Variants in PCNX1 observed in about 807,000 individuals in gnomAD.
The protein encoded by PCNX1 is pecanex-like protein 1.
In PCNX1, 78 loss-of-function variants were observed where a neutral mutation model predicts 242.2. The ratio of observed to expected loss-of-function variants is 0.32; its 90% CI spans 0.27 to 0.39. PCNX1 has a LOEUF of 0.39. Among genes scored for constraint, PCNX1 ranks in the 10% least tolerant of loss-of-function variants. PCNX1 has a pLI of 1.00. For synonymous variants in PCNX1, 1,024 were observed against 1,032.9 expected, an observed-to-expected ratio of 0.99 and a Z score of 0.17; for missense variants, 2,581 against 2,856.5, an observed-to-expected ratio of 0.90 and a Z score of 2.20.
intron 19 of PCNX1, 67 bp from the exon 20 acceptor site, chr14:71,045,066 A>G (rs144091540): frequency 8.4e-7 from 1 of 1,189,608 alleles, no homozygotes; most frequent in African/African-American, 1.6e-5. Flanking sequence ...TTGAACTGAC[A>G]AATTAGAATT....
At chr14:71,001,091 A>G (rs2059492465) in intron 8 of PCNX1, among the ~76,000 whole-genome samples, 1 of 152,238 alleles carries the variant, frequency 6.6e-6, no homozygotes, top group South Asian at 2.1e-4. Context: ...ACAGTGCTCG[A>G]CAATTGTAAA....
chr14:70,951,786 A>T (rs1214953713), intron 2 of PCNX1, among the ~76,000 whole-genome samples: 1 of 152,206 alleles, frequency 6.6e-6, no homozygotes, highest in African/African-American at 2.4e-5. Flanking sequence ...CAATTCTATT[A>T]AATTGTAGAA....
intron 11 of PCNX1, among the ~76,000 whole-genome samples, chr14:71,015,243 A>G (rs1388573623): frequency 6.6e-6 from 1 of 152,238 alleles, no homozygotes; most frequent in Non-Finnish European, 1.5e-5. Context: ...AGATGGAAAT[A>G]TAAGTCTACC....
intron 3 of PCNX1, 119 bp from the exon 4 acceptor site, chr14:70,968,079 A>C: frequency 2.6e-6 from 2 of 766,936 alleles, no homozygotes; most frequent in Non-Finnish European, 4.5e-6. Context: ...AATATTGATA[A>C]AAATGATCGA....
chr14:71,073,525 G>GTT lies in PCNX1; in HGVS notation c.4853-20_4853-19insTT. On this transcript the variant is annotated intron_variant, in intron 26 of 35. Coordinates refer to ENST00000304743, the MANE Select transcript of PCNX1 (RefSeq NM_014982.3). ...CTTTCTGGTTTTCCCCCTTTGTAAAGCTCTCTCTCTCTCTCTAAGGTACCT... is the reference window on the plus strand; with the variant it reads ...CTTTCTGGTTTTCCCCCTTTGTAAAGTTCTCTCTCTCTCTCTCTAAGGTACCT... 6.6e-7 allele frequency: 1 copy of GTT among 1,523,652 alleles called. No individual in the cohort carries two copies. Among genetic ancestry groups the GTT allele is most frequent in the Non-Finnish European group, 8.9e-7 (1 of 1,117,398 alleles). 94.4% of individuals were successfully genotyped at this position (1,523,652 alleles called of 1,614,324 possible).
chr14:70,920,508 G>T (rs939978313), intron 1 of PCNX1, among the ~76,000 whole-genome samples: 4 of 152,208 alleles, frequency 2.6e-5, no homozygotes, highest in African/African-American at 9.6e-5. Context: ...ATGGACAAAA[G>T]AGAGGGAGAG....
In PCNX1 at chr14:71,113,869, ATGTT is replaced by A. The variant is rs1450691693; in HGVS notation, c.*3940_*3943del. On this transcript the variant is annotated 3_prime_UTR_variant, in exon 36 of 36. Coordinates refer to ENST00000304743, the MANE Select transcript of PCNX1 (RefSeq NM_014982.3). ...TTTTCTGGGGTGTGTGTGTGTGTGT[ATGTT>A]TGTTTTTTAAGTCGTCATTATTCAT... 3 of 151,712 alleles carry A rather than the reference ATGTT, an allele frequency of 2.0e-5. No individual in the cohort carries two copies. The highest frequency in any genetic ancestry group is 7.3e-5 in the African/African-American group (3 of 41,286). The allele number at this position is 151,712 out of a possible 1,614,324, so 9.4% of individuals were successfully genotyped here.
intron 2 of PCNX1, among the ~76,000 whole-genome samples, chr14:70,948,925 A>G (rs910032048): frequency 5.4e-5 from 8 of 147,378 alleles, no homozygotes; most frequent in African/African-American, 2.0e-4. Flanking sequence ...ATATGTGTAT[A>G]TATGTACATA....
chr14:71,098,406 A>G (rs2062358693), intron 30 of PCNX1, among the ~76,000 whole-genome samples: 1 of 152,122 alleles, frequency 6.6e-6, no homozygotes, highest in South Asian at 2.1e-4. Context: ...CATCCAGTCC[A>G]TAAGCATGGA....
intron 2 of PCNX1, among the ~76,000 whole-genome samples, chr14:70,961,379 G>C (rs2140471071): frequency 6.6e-6 from 1 of 152,262 alleles, no homozygotes; most frequent in East Asian, 1.9e-4. Flanking sequence ...ATAACTCTCT[G>C]ATCTTTGACA....
intron 25 of PCNX1, 104 bp downstream of exon 25, chr14:71,055,666 A>G (rs2061164194): frequency 3.2e-6 from 2 of 621,528 alleles, no homozygotes; most frequent in South Asian, 2.9e-5. Context: ...ATGAATCCCA[A>G]ATATTCACTT....
At chr14:71,031,486 G>A (rs991474311) in intron 16 of PCNX1, among the ~76,000 whole-genome samples, 11 of 152,224 alleles carry the variant, frequency 7.2e-5, no homozygotes, top group South Asian at 2.1e-4. Flanking sequence ...CCATTCTCCC[G>A]TCAGACCAAA....
At chr14:71,051,821 G>A (rs957432833) in intron 23 of PCNX1, 62 bp from the exon 24 acceptor site, 47 of 1,540,648 alleles carry the variant, frequency 3.1e-5, no homozygotes, top group East Asian at 6.8e-5. Flanking sequence ...AGGTTTTTGC[G>A]AGGGTTTGTT....
chr14:70,998,963 A>G (rs949345650), intron 8 of PCNX1, among the ~76,000 whole-genome samples: 3 of 152,132 alleles, frequency 2.0e-5, no homozygotes, highest in Non-Finnish European at 4.4e-5. Context: ...TAAAGACCAC[A>G]TATTAAGGGT....
At chr14:70,932,237 A>G (rs921842377) in intron 1 of PCNX1, among the ~76,000 whole-genome samples, 3 of 152,236 alleles carry the variant, frequency 2.0e-5, no homozygotes, top group African/African-American at 4.8e-5. Flanking sequence ...AAACTATAGC[A>G]TATAAGGCAG....
intron 15 of PCNX1, 21 bp downstream of exon 15, chr14:71,026,903 A>G: frequency 9.9e-7 from 1 of 1,013,670 alleles, no homozygotes; most frequent in Non-Finnish European, 1.6e-6. Flanking sequence ...CTTTATAAAA[A>G]TTATAGATTA....
intron 8 of PCNX1, among the ~76,000 whole-genome samples, chr14:70,996,240 T>A (rs12892541): frequency 0.45 from 67,365 of 151,070 alleles, 15,644 homozygotes; most frequent in East Asian, 0.73. Flanking sequence ...TTGACTTTTT[T>A]AAAAAAAAAG....
rs1186536395 is a variant in PCNX1, at chr14:71,112,389, T to G, written c.*2454T>G. 6.6e-6 allele frequency: 1 copy of G among 152,130 alleles called. No individual in the cohort carries two copies. The highest frequency in any genetic ancestry group is 1.5e-5 in the Non-Finnish European group (1 of 67,940). The allele number at this position is 152,130 out of a possible 1,614,324, so 9.4% of individuals were successfully genotyped here. On this transcript the variant is annotated 3_prime_UTR_variant, in exon 36 of 36. Transcript: ENST00000304743. ...ACAAGTTGAATTTTGTTAACATATA[T>G]AATTCTTTAGTGAATTTATAAATTA...
chr14:71,006,245 C>T (rs987440871), intron 8 of PCNX1, among the ~76,000 whole-genome samples: 3 of 151,332 alleles, frequency 2.0e-5, no homozygotes, highest in Admixed American at 6.6e-5. Context: ...ACTTTGCCTC[C>T]CAAAATGCTG....
Sources: gnomAD v4.1 joint callset for allele counts (sites outside exome capture counted in the v4.1 genomes callset) on GRCh38, gnomAD v4.1.1 for gene constraint, MANE v1.5 for transcripts, NCBI Gene and HGNC (gene_info 2026-07-23, HGNC 2026-07-21) for gene names.